ZBTB20: variants seen among roughly 807,000 people sequenced by gnomAD.
ZBTB20 encodes the protein zinc finger and BTB domain containing 20, also known as zinc finger and BTB domain-containing protein 20.
A neutral mutation model predicts 56.9 loss-of-function variants in ZBTB20; 9 were observed. The ratio of observed to expected loss-of-function variants is 0.16; its 90% CI spans 0.10 to 0.28. The LOEUF (loss-of-function observed/expected upper bound fraction) is 0.28. ZBTB20 is among the 10% of genes least tolerant of loss of function. The pLI is 1.00. For synonymous variants in ZBTB20, 417 were observed against 420.7 expected (o/e 0.99, Z 0.11); for missense variants, 655 against 1,003.0 (o/e 0.65, Z 4.69).
At chr3:114,927,871 A>G (rs997079037) in intron 3 of ZBTB20, among the ~76,000 whole-genome samples, 11 of 152,228 alleles carry the variant, frequency 7.2e-5, no homozygotes, top group Admixed American at 7.2e-4. Flanking sequence ...CTCTTATTTA[A>G]AACTCAGTAA....
intron 1 of ZBTB20, among the ~76,000 whole-genome samples, chr3:115,105,092 G>T (rs764985296): frequency 2.7e-4 from 41 of 151,914 alleles, no homozygotes; most frequent in Non-Finnish European, 4.7e-4. Flanking sequence ...CAAATAGCTT[G>T]CGTACCCTCG....
intron 10 of ZBTB20, among the ~76,000 whole-genome samples, chr3:114,352,273 T>C (rs1418034760): frequency 1.3e-5 from 2 of 152,226 alleles, no homozygotes; most frequent in Non-Finnish European, 2.9e-5. Context: ...TTTATTTATG[T>C]ATTTATTTAC....
intron 4 of ZBTB20, among the ~76,000 whole-genome samples, chr3:114,806,059 A>G (rs1358453799): frequency 2.0e-5 from 3 of 151,924 alleles, no homozygotes; most frequent in Admixed American, 6.6e-5. Context: ...TGCCATGAAC[A>G]TTCACATAAA....
At chr3:114,345,797 C>T (rs1030562734) in intron 11 of ZBTB20, among the ~76,000 whole-genome samples, 11 of 152,132 alleles carry the variant, frequency 7.2e-5, no homozygotes, top group Admixed American at 2.6e-4. Flanking sequence ...CTATTGCTTG[C>T]CTTCCACATC....
At chr3:114,905,267 A>G (rs546651313) in intron 3 of ZBTB20, among the ~76,000 whole-genome samples, 1 of 152,064 alleles carries the variant, frequency 6.6e-6, no homozygotes, top group South Asian at 2.1e-4. Context: ...TTATATTTTC[A>G]AAATATCCTC....
At chr3:114,596,701 C>T (rs1293370642) in intron 6 of ZBTB20, among the ~76,000 whole-genome samples, 1 of 152,038 alleles carries the variant, frequency 6.6e-6, no homozygotes. Flanking sequence ...AATGAATTTT[C>T]ATGAAACTGA....
chr3:115,008,854 A>T (rs1261609072), intron 2 of ZBTB20, among the ~76,000 whole-genome samples: 1 of 151,944 alleles, frequency 6.6e-6, no homozygotes, highest in East Asian at 1.9e-4. Flanking sequence ...CCTACATTTT[A>T]AAAAGTGAGA....
intron 4 of ZBTB20, among the ~76,000 whole-genome samples, chr3:114,838,427 T>A (rs2074221098): frequency 6.6e-6 from 1 of 152,174 alleles, no homozygotes; most frequent in Non-Finnish European, 1.5e-5. Flanking sequence ...TTCCATATAT[T>A]TATGTAAAGT....
chr3:114,683,500 G>A (rs1457231619), intron 6 of ZBTB20, among the ~76,000 whole-genome samples: 1 of 152,138 alleles, frequency 6.6e-6, no homozygotes, highest in African/African-American at 2.4e-5. Context: ...TTCAGTACAG[G>A]CAGTAACTTA....
chr3:115,060,074 TC>T (rs1193750608), intron 2 of ZBTB20, among the ~76,000 whole-genome samples: 2 of 152,166 alleles, frequency 1.3e-5, no homozygotes, highest in Non-Finnish European at 2.9e-5. Flanking sequence ...CTTACTATCT[TC>T]CTTTGGGCAT....
chr3:114,609,566 C>T (rs1248628449), intron 6 of ZBTB20, among the ~76,000 whole-genome samples: 1 of 152,106 alleles, frequency 6.6e-6, no homozygotes, highest in Non-Finnish European at 1.5e-5. Context: ...AGGCATATTG[C>T]ATATTGAGAT....
intron 7 of ZBTB20, among the ~76,000 whole-genome samples, chr3:114,426,780 C>A (rs1380043225): frequency 6.6e-6 from 1 of 152,104 alleles, no homozygotes; most frequent in East Asian, 1.9e-4. Context: ...AAGGTAAGAA[C>A]CACTCCACCC....
intron 4 of ZBTB20, among the ~76,000 whole-genome samples, chr3:114,806,808 G>A (rs919275091): frequency 6.6e-6 from 1 of 151,916 alleles, no homozygotes; most frequent in Admixed American, 6.6e-5. Context: ...TCCTAGGTTC[G>A]TGAATATTCA....
chr3:114,805,398 G>T (rs896792023), intron 4 of ZBTB20, among the ~76,000 whole-genome samples: 2 of 151,838 alleles, frequency 1.3e-5, no homozygotes, highest in African/African-American at 4.8e-5. Context: ...CTAGTGGTCA[G>T]ATATTTTGTG....
intron 5 of ZBTB20, among the ~76,000 whole-genome samples, chr3:114,760,266 G>T (rs1020727499): frequency 1.3e-5 from 2 of 152,120 alleles, no homozygotes; most frequent in African/African-American, 2.4e-5. Flanking sequence ...TAATATTGGA[G>T]ATAAGTAAAG....
At chr3:114,698,000 T>C (rs1035998468) in intron 5 of ZBTB20, among the ~76,000 whole-genome samples, 3 of 152,118 alleles carry the variant, frequency 2.0e-5, no homozygotes, top group African/African-American at 7.2e-5. Context: ...ATGTGTCAAA[T>C]TACTTGAAAC....
At chr3:114,593,725 T>TG (rs2056034705) in intron 6 of ZBTB20, among the ~76,000 whole-genome samples, 1 of 152,180 alleles carries the variant, frequency 6.6e-6, no homozygotes, top group Non-Finnish European at 1.5e-5. Context: ...ACTAAAAACA[T>TG]ATAACTGGTC....
chr3:114,832,676 T>C (rs1432377235), intron 4 of ZBTB20, among the ~76,000 whole-genome samples: 2 of 152,130 alleles, frequency 1.3e-5, no homozygotes, highest in Non-Finnish European at 2.9e-5. Context: ...TCAAAGTCAA[T>C]ATGTAAGTCT....
At chr3:114,442,593 GTTCCCCTCACAA>G (rs1353645755) in intron 7 of ZBTB20, among the ~76,000 whole-genome samples, 5 of 152,168 alleles carry the variant, frequency 3.3e-5, no homozygotes, top group African/African-American at 1.2e-4. Context: ...ATGTGACCTT[GTTCCCCTCACAA>G]ATACCAGCTT....
Sources: allele counts gnomAD v4.1 joint callset (sites outside exome capture counted in the v4.1 genomes callset), GRCh38; gene constraint gnomAD v4.1.1; transcripts MANE v1.5; gene names NCBI Gene and HGNC (gene_info 2026-07-23, HGNC 2026-07-21).